The following DOK6 variants were observed in gnomAD, a reference collection of about 807,000 sequenced individuals.
DOK6 encodes downstream of tyrosine kinase 6.
In DOK6, 22 loss-of-function variants were observed where a neutral mutation model predicts 44.0. That is an observed-to-expected ratio of 0.50 (90% CI 0.36 to 0.71). The LOEUF (loss-of-function observed/expected upper bound fraction) is 0.71, where lower values mean the gene tolerates loss of function less well. DOK6 is among the 30% of genes least tolerant of loss of function. The pLI is 0.00. For synonymous variants in DOK6, 166 were observed against 145.5 expected (o/e 1.14, Z -1.01); for missense variants, 340 against 416.4 (o/e 0.82, Z 1.60).
chr18:69,677,711 G>A, intron 3 of DOK6, 23 bp from the exon 4 acceptor site: 1 of 1,612,412 alleles, frequency 6.2e-7, no homozygotes, highest in Non-Finnish European at 8.5e-7. Context: ...TTGCTTGACT[G>A]GTGATGTTGT....
chr18:69,757,475 C>T (rs1979393099), intron 6 of DOK6, among the ~76,000 whole-genome samples: 1 of 152,146 alleles, frequency 6.6e-6, no homozygotes, highest in African/African-American at 2.4e-5. Flanking sequence ...ATTGATCATG[C>T]CCTGAGTGTT....
chr18:69,723,126 GT>G (rs2144725164), intron 5 of DOK6, among the ~76,000 whole-genome samples: 1 of 152,170 alleles, frequency 6.6e-6, no homozygotes, highest in South Asian at 2.1e-4. Flanking sequence ...ATAGGAATGG[GT>G]TATTTTGCCT....
chr18:69,783,739 T>TTA (rs1323946958), intron 7 of DOK6, among the ~76,000 whole-genome samples: 1 of 152,204 alleles, frequency 6.6e-6, no homozygotes, highest in Non-Finnish European at 1.5e-5. Flanking sequence ...ATCTGTACAG[T>TTA]TATTTGAAAA....
intron 3 of DOK6, among the ~76,000 whole-genome samples, chr18:69,628,721 G>A (rs1984617508): frequency 6.6e-6 from 1 of 152,110 alleles, no homozygotes; most frequent in African/African-American, 2.4e-5. Flanking sequence ...AAACATCTCT[G>A]AGCGTATCTC....
At chr18:69,657,303 C>G (rs1985394360) in intron 3 of DOK6, among the ~76,000 whole-genome samples, 1 of 152,140 alleles carries the variant, frequency 6.6e-6, no homozygotes, top group African/African-American at 2.4e-5. Flanking sequence ...GTCAGTGGAA[C>G]CTGCAACAGT....
chr18:69,571,621 AT>A (rs1380722028), intron 2 of DOK6, among the ~76,000 whole-genome samples: 1 of 152,122 alleles, frequency 6.6e-6, no homozygotes, highest in Non-Finnish European at 1.5e-5. Context: ...GACAAAGAGT[AT>A]TACCAAAGAT....
At chr18:69,550,261 C>A (rs1220370103) in intron 1 of DOK6, among the ~76,000 whole-genome samples, 2 of 151,976 alleles carry the variant, frequency 1.3e-5, no homozygotes, top group African/African-American at 4.8e-5. Flanking sequence ...CATTTTCAGG[C>A]ACAACAAAAT....
chr18:69,449,533 A>G (rs915087917), intron 1 of DOK6, among the ~76,000 whole-genome samples: 6 of 152,376 alleles, frequency 3.9e-5, no homozygotes, highest in Middle Eastern at 3.4e-3. Context: ...TAAATAATAT[A>G]TAACCATGTA....
chr18:69,526,550 C>T (rs568714601), intron 1 of DOK6, among the ~76,000 whole-genome samples: 1 of 152,260 alleles, frequency 6.6e-6, no homozygotes, highest in South Asian at 2.1e-4. Flanking sequence ...CCACTATAAA[C>T]ATTCATGTAC....
chr18:69,767,790 A>G (rs1979764737), intron 7 of DOK6, among the ~76,000 whole-genome samples: 1 of 152,224 alleles, frequency 6.6e-6, no homozygotes, highest in Non-Finnish European at 1.5e-5. Context: ...CAAGATTTAC[A>G]TTACTAATTG....
intron 1 of DOK6, among the ~76,000 whole-genome samples, chr18:69,514,840 T>A (rs1981472955): frequency 8.3e-6 from 1 of 119,818 alleles, no homozygotes; most frequent in Non-Finnish European, 1.8e-5. Context: ...TCCATATATA[T>A]TTTTTTTTTT....
At chr18:69,694,897 T>C (rs1264952138) in intron 4 of DOK6, among the ~76,000 whole-genome samples, 2 of 152,216 alleles carry the variant, frequency 1.3e-5, no homozygotes, top group African/African-American at 4.8e-5. Flanking sequence ...TCTTGATAAA[T>C]TGTAAACCAT....
At chr18:69,411,360 G>T (rs1353470500) in intron 1 of DOK6, among the ~76,000 whole-genome samples, 5 of 152,162 alleles carry the variant, frequency 3.3e-5, no homozygotes, top group African/African-American at 1.2e-4. Context: ...TGAGCCTGGG[G>T]TGTAGAATAG....
intron 6 of DOK6, among the ~76,000 whole-genome samples, chr18:69,746,669 T>C (rs2100041041): frequency 6.6e-6 from 1 of 152,236 alleles, no homozygotes; most frequent in Admixed American, 6.5e-5. Flanking sequence ...CATGTAAATA[T>C]TACCTTTTAT....
In DOK6 at chr18:69,841,250, G is replaced by C; in HGVS notation, c.863G>C (p.Gly288Ala). The C allele has an allele frequency of 6.2e-7, 1 of 1,614,122 alleles. No homozygotes were observed. The highest frequency in any genetic ancestry group is 8.5e-7 in the Non-Finnish European group (1 of 1,180,012). The change falls in exon 8 of 8, where the codon GGG becomes GCG. Residue 288 changes from glycine to alanine, a missense_variant. Gly to Ala is a moderately conservative substitution (Grantham distance 60, BLOSUM62 0). This residue lies in a region of DOK6 where 112 missense variants were observed against 109.3 expected (regional missense o/e 1.02). Transcript: ENST00000382713. Reference sequence around the variant, plus strand: ...CTCCTTTCTTCCTCTCTAGGTCATGGGTTTGGTTCGTCAAAGATGTCTCGT... The same window carrying C: ...CTCCTTTCTTCCTCTCTAGGTCATGCGTTTGGTTCGTCAAAGATGTCTCGT... The part of the protein sequence containing the change: ...VGEIYSLQGH[G>A]FGSSKMSRAQ...
At chr18:69,564,805 A>G (rs551342155) in intron 2 of DOK6, among the ~76,000 whole-genome samples, 1 of 152,278 alleles carries the variant, frequency 6.6e-6, no homozygotes, top group African/African-American at 2.4e-5. Context: ...ACTCATTTTT[A>G]TTGCTACTTT....
intron 4 of DOK6, 37 bp downstream of exon 4, chr18:69,677,890 C>T (rs374360997): frequency 6.3e-7 from 1 of 1,593,874 alleles, no homozygotes; most frequent in Non-Finnish European, 8.6e-7. Flanking sequence ...TTCAGAATAC[C>T]CTTGTAATTG....
chr18:69,562,153 T>G (rs1982849249), intron 1 of DOK6, among the ~76,000 whole-genome samples: 1 of 152,196 alleles, frequency 6.6e-6, no homozygotes, highest in South Asian at 2.1e-4. Context: ...TAAACATATC[T>G]GTTGAGGGAG....
intron 1 of DOK6, among the ~76,000 whole-genome samples, chr18:69,556,764 A>G (rs1982697434): frequency 6.6e-6 from 1 of 152,240 alleles, no homozygotes; most frequent in South Asian, 2.1e-4. Flanking sequence ...TTTAACAGCC[A>G]TTAAATATAA....
Sources: allele counts gnomAD v4.1 joint callset (sites outside exome capture counted in the v4.1 genomes callset), GRCh38; gene constraint gnomAD v4.1.1; regional missense constraint gnomAD v4.1.1; transcripts MANE v1.5; gene names NCBI Gene and HGNC (gene_info 2026-07-23, HGNC 2026-07-21).